CADM1: variants seen among roughly 807,000 people sequenced by gnomAD.
CADM1 encodes the protein TSLC-1.
CADM1 carries 15 observed loss-of-function variants against 53.1 expected under a neutral mutation model. That is an observed-to-expected ratio of 0.28 (90% confidence interval 0.19 to 0.44). CADM1 has a LOEUF of 0.44. Ranked by LOEUF, CADM1 falls within the 20% of genes least tolerant of loss-of-function variation. The probability of loss-of-function intolerance (pLI) is 1.00; values close to 1 mark genes in which losing one functional copy is unlikely to be tolerated. For missense variants in CADM1, 434 were observed against 611.3 expected, an observed-to-expected ratio of 0.71 and a Z score of 3.06; for synonymous variants, 281 against 243.0, an observed-to-expected ratio of 1.16 and a Z score of -1.45.
At position 115,494,273 on chromosome 11, in the gene CADM1, T is replaced by C. The variant is rs138693714; in HGVS notation, c.124+9998A>G. 1.7e-3 allele frequency among the ~76,000 whole-genome samples: 255 copies of C among 152,162 alleles called. 2 individuals carry two copies. The highest frequency in any genetic ancestry group is 5.6e-3 in the African/African-American group (232 of 41,544). The stretch of plus-strand genomic sequence containing the variant: ...TTTGAAATAAAAGTTGAGGGAAAAA[T>C]AGACTAGAACCTTCTGAAAGACAAA... On this transcript the variant is annotated intron_variant, in intron 1 of 11. Transcript: ENST00000331581.
chr11:115,201,582 T>G (rs45479100), intron 8 of CADM1, among the ~76,000 whole-genome samples: 23,849 of 152,152 alleles, frequency 0.16, 1,999 homozygotes, highest in East Asian at 0.3. Flanking sequence ...TGGGTAACAT[T>G]CTAAGCGTAG....
intron 1 of CADM1, among the ~76,000 whole-genome samples, chr11:115,298,930 T>C (rs187521139): frequency 6.6e-6 from 1 of 152,318 alleles, no homozygotes; most frequent in Admixed American, 6.5e-5. Flanking sequence ...CACTCTCTGA[T>C]GTTACCTGAA....
intron 1 of CADM1, among the ~76,000 whole-genome samples, chr11:115,267,633 A>AAG (rs1943178612): frequency 6.6e-6 from 1 of 151,764 alleles, no homozygotes; most frequent in Non-Finnish European, 1.5e-5. Context: ...CACCCCTTTC[A>AAG]GTACATTTCC....
At chr11:115,283,734 G>T (rs1266776070) in intron 1 of CADM1, among the ~76,000 whole-genome samples, 1 of 152,180 alleles carries the variant, frequency 6.6e-6, no homozygotes, top group African/African-American at 2.4e-5. Flanking sequence ...AGACATTCAG[G>T]GCAAAGTGGG....
chr11:115,496,546 A>G (rs950876930), intron 1 of CADM1, among the ~76,000 whole-genome samples: 2 of 152,184 alleles, frequency 1.3e-5, no homozygotes, highest in East Asian at 3.9e-4. Context: ...AACAACCTAA[A>G]GACAAAACAG....
chr11:115,502,327 C>CT (rs11358670), intron 1 of CADM1, among the ~76,000 whole-genome samples: 2,341 of 52,438 alleles, frequency 0.045, 384 homozygotes, highest in Middle Eastern at 0.071. Context: ...CGCCCCCCGG[C>CT]TTTTTTTTTT....
chr11:115,489,575 C>T (rs1565452352), intron 1 of CADM1, among the ~76,000 whole-genome samples: 1 of 152,180 alleles, frequency 6.6e-6, no homozygotes, highest in African/African-American at 2.4e-5. Flanking sequence ...CACTGGACTT[C>T]GGTCTTTACA....
intron 10 of CADM1, chr11:115,190,464 C>T (rs1313977743): frequency 1.2e-5 from 2 of 162,992 alleles, no homozygotes; most frequent in African/African-American, 2.4e-5. Context: ...TATTCTAGTC[C>T]CCTCCACAGA....
chr11:115,344,927 G>A (rs149431615), intron 1 of CADM1, among the ~76,000 whole-genome samples: 4 of 152,234 alleles, frequency 2.6e-5, no homozygotes, highest in African/African-American at 9.6e-5. Context: ...CTACAATTTG[G>A]CTTGAATCTT....
chr11:115,260,803 G>T (rs1290599800), intron 1 of CADM1, among the ~76,000 whole-genome samples: 2 of 151,948 alleles, frequency 1.3e-5, no homozygotes, highest in African/African-American at 4.8e-5. Context: ...CTCCCGAGTA[G>T]CTGGGACTAC....
At chr11:115,375,091 A>C (rs117349543) in intron 1 of CADM1, among the ~76,000 whole-genome samples, 7,099 of 152,246 alleles carry the variant, frequency 0.047, 236 homozygotes, top group Non-Finnish European at 0.07. Flanking sequence ...AAGATAGTAC[A>C]ATGTCTATAA....
At chr11:115,373,713 G>A (rs1849328) in intron 1 of CADM1, among the ~76,000 whole-genome samples, 70,125 of 151,444 alleles carry the variant, frequency 0.46, 17,310 homozygotes, top group Non-Finnish European at 0.57. Context: ...AAAATAGTTC[G>A]TAAAAAATAG....
intron 1 of CADM1, among the ~76,000 whole-genome samples, chr11:115,321,059 T>C (rs1346034982): frequency 6.6e-6 from 1 of 152,202 alleles, no homozygotes; most frequent in Non-Finnish European, 1.5e-5. Context: ...GATGATTTCA[T>C]ATATTGCATT....
chr11:115,310,347 T>G (rs1229312824), intron 1 of CADM1, among the ~76,000 whole-genome samples: 1 of 152,000 alleles, frequency 6.6e-6, no homozygotes, highest in Non-Finnish European at 1.5e-5. Flanking sequence ...AAATAATAAT[T>G]TTACCATTAT....
rs552244940 is a variant in CADM1 at position 115,324,311 on chromosome 11, CTAACA to C, written c.125-83896_125-83892del. ...CTTTGCTATGTAGGTTTTTAACTACCTAACATTTTTCTCTAAATAAGGCAAAAGAA... is the reference window on the plus strand; with the variant it reads ...CTTTGCTATGTAGGTTTTTAACTACCTTTTTCTCTAAATAAGGCAAAAGAA... On this transcript the variant is annotated intron_variant, in intron 1 of 11. Coordinates refer to ENST00000331581, the MANE Select transcript of CADM1 (RefSeq NM_001301043.2). Among the ~76,000 whole-genome samples, 6 of 152,156 alleles carry C rather than the reference CTAACA, an allele frequency of 3.9e-5. No individual in the cohort carries two copies. The South Asian group carries it at 1.2e-3, about 32-fold the overall frequency.
chr11:115,177,900 A>C (rs1287992837), intron 11 of CADM1, among the ~76,000 whole-genome samples: 1 of 152,130 alleles, frequency 6.6e-6, no homozygotes, highest in African/African-American at 2.4e-5. Flanking sequence ...AGCACCTAGA[A>C]AACCCCGCAA....
chr11:115,421,943 G>A (rs780953498), intron 1 of CADM1, among the ~76,000 whole-genome samples: 51 of 152,184 alleles, frequency 3.4e-4, no homozygotes, highest in Admixed American at 3.3e-3. Context: ...CTTTGTCACA[G>A]ATCCGCACAC....
At chr11:115,193,613 C>CA (rs1282608591) in intron 9 of CADM1, among the ~76,000 whole-genome samples, 5 of 151,928 alleles carry the variant, frequency 3.3e-5, no homozygotes, top group Non-Finnish European at 5.9e-5. Context: ...AGAAAAACCT[C>CA]AAAAAATTAG....
chr11:115,291,286 A>C (rs1943896102), intron 1 of CADM1, among the ~76,000 whole-genome samples: 1 of 152,236 alleles, frequency 6.6e-6, no homozygotes, highest in Non-Finnish European at 1.5e-5. Context: ...GTGACAGATA[A>C]GATATAATCA....
Sources: allele counts gnomAD v4.1 joint callset (sites outside exome capture counted in the v4.1 genomes callset), GRCh38; gene constraint gnomAD v4.1.1; transcripts MANE v1.5; gene names NCBI Gene and HGNC (gene_info 2026-07-23, HGNC 2026-07-21).